CTNNA3: variants seen among roughly 807,000 people sequenced by gnomAD.
CTNNA3 encodes catenin alpha-3.
Under a neutral mutation model 95.7 loss-of-function variants are expected in CTNNA3, and 76 were observed. The observed-to-expected ratio is 0.79, with a 90% CI of 0.66 to 0.96. The LOEUF is 0.96. Ranked by LOEUF, CTNNA3 falls within the 40% of genes least tolerant of loss-of-function variation. The pLI is 0.00. For missense variants in CTNNA3, 1,191 were observed against 1,089.8 expected (o/e 1.09, Z -1.31); for synonymous variants, 431 against 374.4 (o/e 1.15, Z -1.74).
At chr10:66,535,503 G>T (rs563894958) in intron 10 of CTNNA3, among the ~76,000 whole-genome samples, 1 of 152,216 alleles carries the variant, frequency 6.6e-6, no homozygotes, top group Non-Finnish European at 1.5e-5. Context: ...AATTATCTCC[G>T]GGGAAATATA....
At chr10:67,417,798 A>C (rs1262228363) in intron 5 of CTNNA3, among the ~76,000 whole-genome samples, 1 of 152,154 alleles carries the variant, frequency 6.6e-6, no homozygotes, top group African/African-American at 2.4e-5. Context: ...TTATATTTAT[A>C]TCTCTCCATT....
At position 67,632,635 on chromosome 10, in the gene CTNNA3, C is replaced by A. The variant is rs373187150; in HGVS notation, c.99+14780G>T. 9.2e-5 allele frequency among the ~76,000 whole-genome samples: 14 copies of A among 152,248 alleles called. No individual in the cohort carries two copies. In the East Asian group the frequency reaches 2.1e-3, roughly 23 times the overall value. On this transcript the variant is annotated intron_variant, in intron 2 of 17. Transcript: ENST00000433211. ...TAAAGCAGTAAGTGATTGTGAGACC[C>A]CACCTGGAAAACCACGCTTTTCCCA...
At chr10:67,414,758 G>A (rs758503480) in intron 5 of CTNNA3, among the ~76,000 whole-genome samples, 5 of 152,108 alleles carry the variant, frequency 3.3e-5, no homozygotes, top group African/African-American at 4.8e-5. Context: ...TTTATTCTTG[G>A]GATTCAATAC....
intron 2 of CTNNA3, among the ~76,000 whole-genome samples, chr10:67,647,108 T>A (rs1351900729): frequency 6.7e-6 from 1 of 148,792 alleles, no homozygotes; most frequent in Non-Finnish European, 1.5e-5. Context: ...TTTTCACGAT[T>A]ATCAAAGAAG....
intron 7 of CTNNA3, among the ~76,000 whole-genome samples, chr10:67,092,424 TC>T (rs1857704053): frequency 6.6e-6 from 1 of 151,984 alleles, no homozygotes; most frequent in Non-Finnish European, 1.5e-5. Flanking sequence ...AAGAAGACTG[TC>T]ATTTTCTGTT....
chr10:66,606,980 C>T (rs573254007), intron 10 of CTNNA3, among the ~76,000 whole-genome samples: 6 of 151,960 alleles, frequency 3.9e-5, no homozygotes, highest in African/African-American at 7.2e-5. Context: ...GAAAGATCAA[C>T]GAATCCAGGA....
chr10:67,480,365 C>T (rs1848171936), intron 5 of CTNNA3, among the ~76,000 whole-genome samples: 1 of 152,146 alleles, frequency 6.6e-6, no homozygotes, highest in Admixed American at 6.5e-5. Flanking sequence ...AGGAACAGGC[C>T]TCAAGCCTGG....
At chr10:67,599,565 A>T (rs1474435506) in intron 3 of CTNNA3, among the ~76,000 whole-genome samples, 1 of 152,166 alleles carries the variant, frequency 6.6e-6, no homozygotes, top group Non-Finnish European at 1.5e-5. Context: ...AAATTCAGGA[A>T]CTAAAGTAAA....
At position 67,652,847 on chromosome 10, in the gene CTNNA3, T is replaced by G. The variant is rs530118568; in HGVS notation, c.-5-5329A>C. The stretch of plus-strand genomic sequence containing the variant: ...TAGAGGATCTATTCCTTCCTGTTTT[T>G]GTTTTTCTTACCTTCAGCATGTCCT... On this transcript the variant is annotated intron_variant, in intron 1 of 17. Coordinates refer to ENST00000433211, the MANE Select transcript of CTNNA3 (RefSeq NM_013266.4). Among the ~76,000 whole-genome samples the G allele has an allele frequency of 4.6e-5, 7 of 152,206 alleles. No homozygotes were observed. The South Asian group carries it at 8.3e-4, about 18-fold the overall frequency.
chr10:66,434,177 G>GA (rs1417568657), intron 11 of CTNNA3, among the ~76,000 whole-genome samples: 1 of 151,952 alleles, frequency 6.6e-6, no homozygotes, highest in East Asian at 1.9e-4. Context: ...CTAATTCTGT[G>GA]AAAAAAGTCA....
At chr10:67,228,931 AG>A (rs1166484111) in intron 5 of CTNNA3, among the ~76,000 whole-genome samples, 1 of 152,194 alleles carries the variant, frequency 6.6e-6, no homozygotes, top group Non-Finnish European at 1.5e-5. Context: ...CTATTCCACA[AG>A]ATAGAGAAAG....
intron 7 of CTNNA3, among the ~76,000 whole-genome samples, chr10:67,130,674 A>C (rs1859951459): frequency 6.6e-6 from 1 of 152,098 alleles, no homozygotes; most frequent in African/African-American, 2.4e-5. Context: ...AAATTAATAC[A>C]TTTTAGCATA....
chr10:66,069,934 A>T (rs1165928971), intron 14 of CTNNA3, among the ~76,000 whole-genome samples: 1 of 152,168 alleles, frequency 6.6e-6, no homozygotes, highest in African/African-American at 2.4e-5. Context: ...AGGATGAATT[A>T]GTCATGCCTC....
At chr10:66,547,933 A>C (rs1420638671) in intron 10 of CTNNA3, among the ~76,000 whole-genome samples, 2 of 142,222 alleles carry the variant, frequency 1.4e-5, no homozygotes, top group Non-Finnish European at 3.0e-5. Flanking sequence ...TTTTTTTTTT[A>C]AGATGGAGTT....
At chr10:67,106,742 T>C (rs73258447) in intron 7 of CTNNA3, among the ~76,000 whole-genome samples, 9,937 of 152,266 alleles carry the variant, frequency 0.065, 386 homozygotes, top group South Asian at 0.18. Flanking sequence ...AGGTCCACTG[T>C]ATAGACCCCA....
At chr10:66,297,016 A>C (rs1450149325) in intron 12 of CTNNA3, among the ~76,000 whole-genome samples, 3 of 152,134 alleles carry the variant, frequency 2.0e-5, no homozygotes, top group Non-Finnish European at 4.4e-5. Context: ...TTGATACTTC[A>C]CATTTTGTTA....
At position 67,502,634 on chromosome 10, in the gene CTNNA3, G is replaced by T. The variant is rs188131087; in HGVS notation, c.579+19208C>A. Among the ~76,000 whole-genome samples, 331 of 152,340 alleles carry T rather than the reference G, an allele frequency of 2.2e-3. 2 individuals are homozygous for T. The highest frequency in any genetic ancestry group is 7.6e-3 in the African/African-American group (316 of 41,586). On this transcript the variant is annotated intron_variant, in intron 5 of 17. Transcript: ENST00000433211. ...GTATTTTATCTATAAGCCCCTGACT[G>T]GGGCTGCTGCCTTTCTTTCAGAGAT...
At chr10:67,379,319 C>T (rs893770244) in intron 5 of CTNNA3, among the ~76,000 whole-genome samples, 1 of 152,126 alleles carries the variant, frequency 6.6e-6, no homozygotes, top group African/African-American at 2.4e-5. Context: ...ATCCTCAAGC[C>T]TCAGATTCAT....
chr10:67,424,559 T>C (rs1183784359), intron 5 of CTNNA3, among the ~76,000 whole-genome samples: 3 of 152,132 alleles, frequency 2.0e-5, no homozygotes, highest in Admixed American at 6.6e-5. Context: ...TCTGATTATA[T>C]AACATTTGCT....
Sources: allele counts gnomAD v4.1 joint callset (sites outside exome capture counted in the v4.1 genomes callset), GRCh38; gene constraint gnomAD v4.1.1; transcripts MANE v1.5; gene names NCBI Gene and HGNC (gene_info 2026-07-23, HGNC 2026-07-21).